Variants in IGF1R observed in about 807,000 individuals in gnomAD.
IGF1R encodes insulin-like growth factor 1 receptor.
In IGF1R, 44 loss-of-function variants were observed where a neutral mutation model predicts 144.6. The observed-to-expected ratio is 0.30, with a 90% confidence interval of 0.24 to 0.39. IGF1R has a LOEUF of 0.39. Among genes scored for constraint, IGF1R ranks in the 10% least tolerant of loss-of-function variants. The pLI, the probability that IGF1R is intolerant of heterozygous loss-of-function variation, is 1.00. For synonymous variants in IGF1R, 795 were observed against 722.8 expected (o/e 1.10, Z -1.60); for missense variants, 1,355 against 1,833.7 (o/e 0.74, Z 4.77).
intron 1 of IGF1R, among the ~76,000 whole-genome samples, chr15:98,693,662 A>G (rs1215903111): frequency 1.3e-5 from 2 of 152,164 alleles, no homozygotes; most frequent in East Asian, 1.9e-4. Flanking sequence ...CTGGAGTGCA[A>G]TGGCATGATC....
Position 98,922,426 on chromosome 15 carries a change from C to T in IGF1R, c.2480C>T (p.Pro827Leu). ...ASNFVFARTM[P>L]AEGADDIPGP... ...AACTTCGTCTTTGCAAGGACTATGC[C>T]CGCAGGTATGGTATGATCCAGCTGG... Residue 827 changes from proline (P) to leucine (L), a missense_variant, in exon 11 of 21, where the codon CCC becomes CTC. This residue lies in a region of IGF1R where 880 missense variants were observed against 1,202.7 expected (regional missense o/e 0.73). Transcript: ENST00000650285. 6.2e-7 allele frequency: 1 copy of T among 1,610,110 alleles called. No homozygotes were observed. Among genetic ancestry groups the T allele is most frequent in the Non-Finnish European group, 8.5e-7 (1 of 1,180,014 alleles).
rs774941760 is a variant in IGF1R, at chr15:98,891,493, G to C, written c.809G>C (p.Arg270Thr). ...CVPACPPNTY[R>T]FEGWRCVDRD... ...CCTGCCTGCCCGCCCAACACCTACA[G>C]GTTTGAGGGCTGGCGCTGTGTGGAC... Residue 270 changes from arginine to threonine, a missense_variant, in exon 3 of 21, where the codon AGG becomes ACG. By Grantham distance (71) the Arg-to-Thr change is moderately conservative. Around this residue, in one of 7 missense-constraint regions of IGF1R, gnomAD observed 880 missense variants for 1,202.7 expected, o/e 0.73. Transcript: ENST00000650285. The surrounding 1 kb of genome is among the most constrained non-coding windows in gnomAD (Gnocchi z 4.7). 4 of 1,613,916 alleles carry C rather than the reference G, an allele frequency of 2.5e-6. No individual in the cohort carries two copies. In the South Asian group the frequency reaches 4.4e-5, roughly 18 times the overall value.
chr15:98,694,619 C>T (rs1401648278), intron 1 of IGF1R, among the ~76,000 whole-genome samples: 2 of 152,252 alleles, frequency 1.3e-5, no homozygotes, highest in African/African-American at 2.4e-5. Flanking sequence ...AAGGGTTGCT[C>T]ATGCTTGTCT....
intron 1 of IGF1R, among the ~76,000 whole-genome samples, chr15:98,674,170 G>C (rs1355605629): frequency 6.6e-6 from 1 of 152,096 alleles, no homozygotes; most frequent in Non-Finnish European, 1.5e-5. Flanking sequence ...AAATCTGATT[G>C]TTGCATTGAA....
intron 12 of IGF1R, 116 bp from the exon 13 acceptor site, chr15:98,924,409 G>A: frequency 1.1e-6 from 1 of 930,236 alleles, no homozygotes. Flanking sequence ...CAGGATCATT[G>A]TTAGGTGGGA....
At chr15:98,733,536 CAG>C (rs2054544155) in intron 2 of IGF1R, among the ~76,000 whole-genome samples, 1 of 151,828 alleles carries the variant, frequency 6.6e-6, no homozygotes, top group Non-Finnish European at 1.5e-5. Flanking sequence ...CAGACGAGGC[CAG>C]AGGATCTCAG....
At chr15:98,672,753 G>T (rs1438138745) in intron 1 of IGF1R, among the ~76,000 whole-genome samples, 1 of 152,046 alleles carries the variant, frequency 6.6e-6, no homozygotes, top group Admixed American at 6.6e-5. Context: ...GTTCTGATTG[G>T]GTTAACTAAT....
intron 1 of IGF1R, among the ~76,000 whole-genome samples, chr15:98,699,889 T>C (rs973215694): frequency 6.6e-6 from 1 of 152,224 alleles, no homozygotes; most frequent in Non-Finnish European, 1.5e-5. Context: ...TCCTCTGTAA[T>C]GGAAATCTCT....
intron 18 of IGF1R, among the ~76,000 whole-genome samples, chr15:98,940,578 T>C (rs1353898805): frequency 6.6e-6 from 1 of 152,220 alleles, no homozygotes; most frequent in Admixed American, 6.5e-5. Flanking sequence ...TGATTTTTTA[T>C]ATTTTTAGTA....
chr15:98,676,969 T>C (rs1320852763), intron 1 of IGF1R, among the ~76,000 whole-genome samples: 2 of 152,160 alleles, frequency 1.3e-5, no homozygotes, highest in Non-Finnish European at 1.5e-5. Context: ...AGGGTCTCGC[T>C]CCGTTACCCA....
intron 2 of IGF1R, among the ~76,000 whole-genome samples, chr15:98,734,358 C>T (rs559598489): frequency 2.4e-4 from 36 of 152,226 alleles, no homozygotes; most frequent in African/African-American, 8.7e-4. Flanking sequence ...CAGAGTAAGT[C>T]GGCCTTGGTT....
At chr15:98,919,874 A>T (rs943495898) in intron 10 of IGF1R, among the ~76,000 whole-genome samples, 3 of 152,204 alleles carry the variant, frequency 2.0e-5, no homozygotes, top group Admixed American at 2.0e-4. Flanking sequence ...CCGAAAATGG[A>T]TTTGATTTCT....
intron 2 of IGF1R, among the ~76,000 whole-genome samples, chr15:98,818,275 C>T (rs1261000447): frequency 6.6e-6 from 1 of 152,058 alleles, no homozygotes; most frequent in Non-Finnish European, 1.5e-5. Flanking sequence ...AGATGGGTCA[C>T]AGTATTAGAT....
At chr15:98,950,185 C>G (rs1248344751) in intron 20 of IGF1R, among the ~76,000 whole-genome samples, 1 of 152,226 alleles carries the variant, frequency 6.6e-6, no homozygotes, top group Non-Finnish European at 1.5e-5. Flanking sequence ...CAGCTCCTAT[C>G]TCTCACCCAT....
intron 5 of IGF1R, among the ~76,000 whole-genome samples, chr15:98,900,103 G>A (rs896610649): frequency 2.0e-5 from 3 of 152,306 alleles, no homozygotes; most frequent in Non-Finnish European, 2.9e-5. Context: ...AAAGAAACCC[G>A]GATTCACGAG....
chr15:98,699,579 A>G (rs2053676370), intron 1 of IGF1R, among the ~76,000 whole-genome samples: 1 of 152,158 alleles, frequency 6.6e-6, no homozygotes, highest in Non-Finnish European at 1.5e-5. Flanking sequence ...ATTCTGCGCC[A>G]GTCTGTTTGG....
intron 2 of IGF1R, among the ~76,000 whole-genome samples, chr15:98,791,139 T>G (rs890288109): frequency 6.6e-6 from 1 of 152,224 alleles, no homozygotes; most frequent in African/African-American, 2.4e-5. Flanking sequence ...TAAAAATGCC[T>G]AATACATTAT....
intron 4 of IGF1R, chr15:98,897,515 G>A (rs984311142): frequency 1.3e-5 from 2 of 154,482 alleles, no homozygotes; most frequent in African/African-American, 4.8e-5. Flanking sequence ...TTGGATTTGT[G>A]CAAAGGATTT....
intron 2 of IGF1R, among the ~76,000 whole-genome samples, chr15:98,858,856 G>A (rs2011982634): frequency 1.3e-5 from 2 of 152,172 alleles, no homozygotes; most frequent in South Asian, 4.1e-4. Flanking sequence ...TGTGACATCT[G>A]GGACCAGCTA....
Sources: gnomAD v4.1 joint callset for allele counts (sites outside exome capture counted in the v4.1 genomes callset) on GRCh38, gnomAD v4.1.1 for gene constraint, gnomAD v4.1.1 regional missense constraint, Gnocchi (gnomAD v3.1) non-coding constraint, MANE v1.5 for transcripts, NCBI Gene and HGNC (gene_info 2026-07-23, HGNC 2026-07-21) for gene names.